CUX2: variants seen among roughly 807,000 people sequenced by gnomAD.
The protein encoded by CUX2 is cut like homeobox 2.
In CUX2, 40 loss-of-function variants were observed where a neutral mutation model predicts 144.8. The observed-to-expected ratio is 0.28, with a 90% CI of 0.21 to 0.36. CUX2 has a LOEUF of 0.36. Among genes scored for constraint, CUX2 ranks in the 10% least tolerant of loss-of-function variants. The probability of loss-of-function intolerance (pLI) is 1.00; values close to 1 mark genes in which losing one functional copy is unlikely to be tolerated. For missense variants in CUX2, 1,615 were observed against 1,994.0 expected, an observed-to-expected ratio of 0.81 and a Z score of 3.62; for synonymous variants, 827 against 875.6, an observed-to-expected ratio of 0.94 and a Z score of 0.98.
At chr12:111,200,135 G>A (rs1474839561) in intron 1 of CUX2, among the ~76,000 whole-genome samples, 3 of 152,004 alleles carry the variant, frequency 2.0e-5, no homozygotes, top group African/African-American at 7.3e-5. Flanking sequence ...ATGGTTTGGG[G>A]AGAGGAGAGG....
intron 1 of CUX2, among the ~76,000 whole-genome samples, chr12:111,104,442 G>C (rs1483051535): frequency 6.6e-6 from 1 of 152,176 alleles, no homozygotes; most frequent in African/African-American, 2.4e-5. Flanking sequence ...ATTTGCAGAG[G>C]GTTCCAAAGC....
intron 10 of CUX2, 52 bp from the exon 11 acceptor site, chr12:111,306,869 G>A (rs1233805290): frequency 2.7e-6 from 4 of 1,472,492 alleles, no homozygotes; most frequent in Non-Finnish European, 2.8e-6. Flanking sequence ...GGCCAGACCT[G>A]TGGACCCCCA....
rs375629258 is a variant in CUX2 at position 111,334,517 on chromosome 12, G to A, written c.3003G>A (p.Pro1001=). The A allele has an allele frequency of 1.2e-4, 195 of 1,612,616 alleles. No individual in the cohort carries two copies. Among genetic ancestry groups the A allele is most frequent in the South Asian group, 2.2e-4 (20 of 91,040 alleles). Residue 1001 remains proline, a synonymous_variant, in exon 19 of 22, where the codon CCG becomes CCA. Coordinates refer to ENST00000261726, the MANE Select transcript of CUX2 (RefSeq NM_015267.4). The part of the protein sequence containing the change: ...PTEPEKSSQE[P]LSLSLESSKE... ...AGCCTGAGAAGAGCTCCCAGGAGCC[G>A]TTGAGCCTGTCCCTGGAGAGCAGCA...
At chr12:111,214,546 G>T (rs1407538586) in intron 2 of CUX2, among the ~76,000 whole-genome samples, 2 of 152,144 alleles carry the variant, frequency 1.3e-5, no homozygotes, top group East Asian at 1.9e-4. Context: ...TTTTGAGGGC[G>T]CTGTGAAACA....
intron 20 of CUX2, chr12:111,339,614 T>C (rs1453205424): frequency 6.6e-6 from 1 of 152,262 alleles, no homozygotes; most frequent in Non-Finnish European, 1.5e-5. Flanking sequence ...TAAGCTGGCA[T>C]TGAGCTGGGC....
intron 1 of CUX2, among the ~76,000 whole-genome samples, chr12:111,202,472 G>C (rs1880657472): frequency 6.6e-6 from 1 of 152,238 alleles, no homozygotes; most frequent in Non-Finnish European, 1.5e-5. Context: ...GCCTGCACAG[G>C]AGCAGGCTTG....
rs184576652 is a variant in CUX2 at position 111,277,804 on chromosome 12, G to A, written c.302-13614G>A. ...TTAGGGACTCTTAGTCACCTGTCAC[G>A]GCTGTAACAAATACCATGAGCTTAG... On this transcript the variant is annotated intron_variant, in intron 4 of 21. Coordinates refer to ENST00000261726, the MANE Select transcript of CUX2 (RefSeq NM_015267.4). This position sits in a 1 kb window ranked among gnomAD's most constrained non-coding sequence, Gnocchi z 5.0. Among the ~76,000 whole-genome samples the A allele has an allele frequency of 1.2e-4, 19 of 152,298 alleles. No individual in the cohort carries two copies. Among genetic ancestry groups the A allele is most frequent in the African/African-American group, 4.1e-4 (17 of 41,558 alleles).
intron 1 of CUX2, among the ~76,000 whole-genome samples, chr12:111,191,899 G>T (rs1410119288): frequency 1.3e-5 from 2 of 152,174 alleles, no homozygotes; most frequent in African/African-American, 2.4e-5. Flanking sequence ...GGGATGGATG[G>T]TTGGTCTTCA....
rs1888949788 is a variant in CUX2 at position 111,349,226 on chromosome 12, G to C, written c.*901G>C. The C allele has an allele frequency of 6.6e-6, 1 of 152,182 alleles. No individual in the cohort carries two copies. The highest frequency in any genetic ancestry group is 1.5e-5 in the Non-Finnish European group (1 of 68,068). The allele number at this position is 152,182 out of a possible 1,614,324, so 9.4% of individuals were successfully genotyped here. ...CAGATCCTTTGGAAAGGTGGGCATG[G>C]GGCAGGTGCTTGGAGAGTGGCGTTT... is the stretch of plus-strand genomic sequence containing the variant. On this transcript the variant is annotated 3_prime_UTR_variant, in exon 22 of 22. Transcript: ENST00000261726.
chr12:111,188,427 C>T (rs1011802898), intron 1 of CUX2, among the ~76,000 whole-genome samples: 7 of 152,038 alleles, frequency 4.6e-5, no homozygotes, highest in Admixed American at 6.5e-5. Context: ...ATCAAAGCAG[C>T]GTGCAGAGCT....
intron 16 of CUX2, among the ~76,000 whole-genome samples, chr12:111,317,202 T>C (rs1887240118): frequency 6.6e-6 from 1 of 152,214 alleles, no homozygotes; most frequent in Non-Finnish European, 1.5e-5. Context: ...GGGGTTACAT[T>C]GATCTGGCTT....
At chr12:111,266,626 T>C (rs1317147266) in intron 4 of CUX2, among the ~76,000 whole-genome samples, 4 of 152,156 alleles carry the variant, frequency 2.6e-5, no homozygotes, top group African/African-American at 9.6e-5. Context: ...AGAAGGATCC[T>C]TCCCTAGAGT....
chr12:111,228,090 A>G lies in CUX2; in HGVS notation c.222+10153A>G, dbSNP rs1196034420. 5.3e-5 allele frequency among the ~76,000 whole-genome samples: 8 copies of G among 152,330 alleles called. No individual in the cohort carries two copies. The South Asian group carries it at 1.0e-3, about 20-fold the overall frequency. ...TGCTTTCTGGAGCCCCACTATATGC[A>G]GACCCTGTGCAGTGCCCTGGGGATA... On this transcript the variant is annotated intron_variant, in intron 3 of 21. Transcript: ENST00000261726.
At chr12:111,129,077 C>G (rs564809728) in intron 1 of CUX2, among the ~76,000 whole-genome samples, 1 of 152,326 alleles carries the variant, frequency 6.6e-6, no homozygotes, top group South Asian at 2.1e-4. Context: ...GCAACTTCTT[C>G]CCTTTAAAGG....
Position 111,348,394 on chromosome 12 carries a change from A to G in CUX2, c.*69A>G. 4 of 1,410,218 alleles carry G rather than the reference A, an allele frequency of 2.8e-6. No homozygotes were observed. Among genetic ancestry groups the G allele is most frequent in the Non-Finnish European group, 3.9e-6 (4 of 1,024,472 alleles). 87.4% of individuals were successfully genotyped at this position (1,410,218 alleles called of 1,614,324 possible). A position where few individuals can be genotyped will look rare whatever the true frequency, so the allele number is the denominator to read the frequency against. On this transcript the variant is annotated 3_prime_UTR_variant, in exon 22 of 22. Coordinates refer to ENST00000261726, the MANE Select transcript of CUX2 (RefSeq NM_015267.4). The stretch of plus-strand genomic sequence containing the variant: ...CCTTCTCGCACTTACTCTCCTCAAC[A>G]GGATGGGGTAAGGGAGGGAGGAACT...
At position 111,348,663 on chromosome 12, in the gene CUX2, T is replaced by C; in HGVS notation, c.*338T>C. ...TATTTATAGACCTCTTTTAGATATT[T>C]TAATAAAGGATCCTTTGGAATTTAT... On this transcript the variant is annotated 3_prime_UTR_variant, in exon 22 of 22. Coordinates refer to ENST00000261726, the MANE Select transcript of CUX2 (RefSeq NM_015267.4). 1 of 206,496 alleles carries C rather than the reference T, an allele frequency of 4.8e-6. No individual in the cohort carries two copies. Among genetic ancestry groups the C allele is most frequent in the Non-Finnish European group, 9.7e-6 (1 of 103,570 alleles). 12.8% of individuals were successfully genotyped at this position (206,496 alleles called of 1,614,324 possible). A position where few individuals can be genotyped will look rare whatever the true frequency, so the allele number is the denominator to read the frequency against.
rs1398992638 is a variant in CUX2, at chr12:111,307,539, A to G, written c.1109+282A>G. ...ACCCCATCTCTGTGAGAAAAAAACA[A>G]TTTTAATTAGCCAGGAGTGGTGGTG... On this transcript the variant is annotated intron_variant, in intron 12 of 21. Coordinates refer to ENST00000261726, the MANE Select transcript of CUX2 (RefSeq NM_015267.4). The surrounding 1 kb of genome is among the most constrained non-coding windows in gnomAD (Gnocchi z 4.1). Among the ~76,000 whole-genome samples the G allele has an allele frequency of 6.6e-6, 1 of 152,154 alleles. No homozygotes were observed. The highest frequency in any genetic ancestry group is 2.4e-5 in the African/African-American group (1 of 41,528).
chr12:111,261,852 C>G (rs1884145039), intron 3 of CUX2, among the ~76,000 whole-genome samples: 1 of 152,104 alleles, frequency 6.6e-6, no homozygotes, highest in Non-Finnish European at 1.5e-5. Flanking sequence ...TTACAGTGAG[C>G]CAAGATTGTG....
intron 1 of CUX2, among the ~76,000 whole-genome samples, chr12:111,107,307 C>T (rs1388365768): frequency 6.6e-6 from 1 of 152,258 alleles, no homozygotes; most frequent in East Asian, 1.9e-4. Context: ...TGGTGTGCAC[C>T]TGGAGTCCTT....
Sources: gnomAD v4.1 joint callset for allele counts (sites outside exome capture counted in the v4.1 genomes callset) on GRCh38, gnomAD v4.1.1 for gene constraint, Gnocchi (gnomAD v3.1) non-coding constraint, MANE v1.5 for transcripts, NCBI Gene and HGNC (gene_info 2026-07-23, HGNC 2026-07-21) for gene names.